The following PDE5A variants were observed in gnomAD, a reference collection of about 807,000 sequenced individuals.
The protein encoded by PDE5A is cGMP-specific 3',5'-cyclic phosphodiesterase.
Under a neutral mutation model 110.2 loss-of-function variants are expected in PDE5A, and 67 were observed. The ratio of observed to expected loss-of-function variants is 0.61; its 90% CI spans 0.50 to 0.75. The LOEUF is 0.75. Among genes scored for constraint, PDE5A ranks in the 30% least tolerant of loss-of-function variants. The probability of loss-of-function intolerance (pLI) is 0.00; values close to 1 mark genes in which losing one functional copy is unlikely to be tolerated. For missense variants in PDE5A, 862 were observed against 1,045.1 expected (o/e 0.82, Z 2.42); for synonymous variants, 328 against 351.2 (o/e 0.93, Z 0.74).
At chr4:119,602,903 T>C (rs958093719) in intron 2 of PDE5A, among the ~76,000 whole-genome samples, 1 of 152,204 alleles carries the variant, frequency 6.6e-6, no homozygotes, top group Admixed American at 6.5e-5. Context: ...AAATCATGGT[T>C]CACATGGAGT....
chr4:119,523,537 G>A (rs1726202910), intron 12 of PDE5A, among the ~76,000 whole-genome samples: 1 of 152,018 alleles, frequency 6.6e-6, no homozygotes, highest in South Asian at 2.1e-4. Context: ...TGATGGCAAT[G>A]TTCAAGTTTG....
chr4:119,606,571 T>A, intron 2 of PDE5A, 138 bp downstream of exon 2: 3 of 627,972 alleles, frequency 4.8e-6, no homozygotes, highest in Non-Finnish European at 8.3e-6. Context: ...CAGTTTTAAA[T>A]AAGTATGCAA....
Position 119,497,608 on chromosome 4 carries a change from A to AT in PDE5A, c.*992dup, listed in dbSNP as rs1287972274. Reference sequence around the variant, plus strand: ...TTCATTTTTGACCCTAGTATTGGCAATAGCCCTTTGCTATTTATATAATTA... The same window carrying AT: ...TTCATTTTTGACCCTAGTATTGGCAATTAGCCCTTTGCTATTTATATAATTA... On this transcript the variant is annotated 3_prime_UTR_variant, in exon 21 of 21. Coordinates refer to ENST00000354960, the MANE Select transcript of PDE5A (RefSeq NM_001083.4). 6.6e-6 allele frequency: 1 copy of AT among 152,152 alleles called. No homozygotes were observed. Among genetic ancestry groups the AT allele is most frequent in the African/African-American group, 2.4e-5 (1 of 41,450 alleles). The allele number at this position is 152,152 out of a possible 1,614,324, so 9.4% of individuals were successfully genotyped here. A position where few individuals can be genotyped will look rare whatever the true frequency, so the allele number is the denominator to read the frequency against.
chr4:119,602,985 G>A (rs1729395502), intron 2 of PDE5A, among the ~76,000 whole-genome samples: 1 of 152,182 alleles, frequency 6.6e-6, no homozygotes, highest in Non-Finnish European at 1.5e-5. Context: ...AAGGAGAGAT[G>A]TTTTGACAAT....
At position 119,525,431 on chromosome 4, in the gene PDE5A, A is replaced by G; in HGVS notation, c.1779+118T>C. The G allele has an allele frequency of 1.1e-6, 1 of 930,902 alleles. No individual in the cohort carries two copies. The allele number at this position is 930,902 out of a possible 1,614,324, so 57.7% of individuals were successfully genotyped here. On this transcript the variant is annotated intron_variant, in intron 12 of 20. Coordinates refer to ENST00000354960, the MANE Select transcript of PDE5A (RefSeq NM_001083.4). The surrounding 1 kb of genome is among the most constrained non-coding windows in gnomAD (Gnocchi z 4.3). ...TCGGGTATATATTAGGTGACAGTAT[A>G]TTAATCACTAAAATGTAAAAATCCC...
intron 1 of PDE5A, among the ~76,000 whole-genome samples, chr4:119,615,629 G>A (rs199605969): frequency 6.1e-4 from 79 of 129,008 alleles, no homozygotes; most frequent in Admixed American, 1.3e-3. Flanking sequence ...AAAAAAAAAA[G>A]AAAAAAAAAA....
chr4:119,548,790 C>G (rs1280608631), intron 9 of PDE5A: 2 of 152,092 alleles, frequency 1.3e-5, no homozygotes, highest in African/African-American at 2.4e-5. Context: ...TTTCTTCCAC[C>G]TATTACTGCC....
rs556949622 is a variant in PDE5A, at chr4:119,627,013, C to G, written c.152+1507G>C. On this transcript the variant is annotated intron_variant, in intron 1 of 20. Transcript: ENST00000354960. The surrounding 1 kb of genome is among the most constrained non-coding windows in gnomAD (Gnocchi z 4.6). ...GCAAGAGAGCAAAGAATAACAACAA[C>G]AACAAAAGTTATACAGTCAATTTTC... 6.5e-4 allele frequency: 605 copies of G among 934,252 alleles called. No individual in the cohort carries two copies. The highest frequency in any genetic ancestry group is 9.4e-4 in the Non-Finnish European group (579 of 615,022). The allele number at this position is 934,252 out of a possible 1,614,324, so 57.9% of individuals were successfully genotyped here. A position where few individuals can be genotyped will look rare whatever the true frequency, so the allele number is the denominator to read the frequency against.
chr4:119,497,071 T>C lies in PDE5A; in HGVS notation c.*1530A>G, dbSNP rs555277378. ...GGCAAAATTTAGGGGAATCGGGACA[T>C]AGATGGAAAACACATTTTGGCGAAA... is the stretch of plus-strand genomic sequence containing the variant. On this transcript the variant is annotated 3_prime_UTR_variant, in exon 21 of 21. Coordinates refer to ENST00000354960, the MANE Select transcript of PDE5A (RefSeq NM_001083.4). 1 of 152,202 alleles carries C rather than the reference T, an allele frequency of 6.6e-6. No homozygotes were observed. Among genetic ancestry groups the C allele is most frequent in the African/African-American group, 2.4e-5 (1 of 41,568 alleles). The allele number at this position is 152,202 out of a possible 1,614,324, so 9.4% of individuals were successfully genotyped here.
At chr4:119,539,152 G>A (rs1157044021) in intron 10 of PDE5A, 133 bp from the exon 11 acceptor site, 5 of 714,920 alleles carry the variant, frequency 7.0e-6, no homozygotes, top group Non-Finnish European at 1.0e-5. Context: ...AATCTTGTTT[G>A]CTGTTTTCTT....
rs1310786152 is a variant in PDE5A, at chr4:119,496,849, A to G, written c.*1752T>C. 1.3e-5 allele frequency: 2 copies of G among 152,616 alleles called. No homozygotes were observed. Among genetic ancestry groups the G allele is most frequent in the East Asian group, 3.9e-4 (2 of 5,194 alleles). The allele number at this position is 152,616 out of a possible 1,614,324, so 9.5% of individuals were successfully genotyped here. A position where few individuals can be genotyped will look rare whatever the true frequency, so the allele number is the denominator to read the frequency against. On this transcript the variant is annotated 3_prime_UTR_variant, in exon 21 of 21. Coordinates refer to ENST00000354960, the MANE Select transcript of PDE5A (RefSeq NM_001083.4). ...AAAAATAAAATATCCTGAAAATACA[A>G]GTATACAATACATATAGCATTAAAC...
At chr4:119,591,895 T>C (rs1277175526) in intron 3 of PDE5A, among the ~76,000 whole-genome samples, 1 of 152,048 alleles carries the variant, frequency 6.6e-6, no homozygotes, top group African/African-American at 2.4e-5. Context: ...CTCACGCCTG[T>C]AATCCCAGCA....
chr4:119,517,576 T>C (rs10003953), intron 14 of PDE5A, among the ~76,000 whole-genome samples: 2,214 of 150,828 alleles, frequency 0.015, 54 homozygotes, highest in African/African-American at 0.051. Flanking sequence ...AATGACTTTT[T>C]CCCAGGATGT....
rs371625096 is a variant in PDE5A, at chr4:119,498,562, C to T, written c.*39G>A. The T allele has an allele frequency of 1.9e-6, 3 of 1,611,788 alleles. No individual in the cohort carries two copies. The highest frequency in any genetic ancestry group is 2.7e-5 in the African/African-American group (2 of 74,858). On this transcript the variant is annotated 3_prime_UTR_variant, in exon 21 of 21. Transcript: ENST00000354960. ...GAAACTAGGCATATTGCAGAACACACCATCTCTGTAAACTTCAACTCTGCA... is the reference window on the plus strand; with the variant it reads ...GAAACTAGGCATATTGCAGAACACATCATCTCTGTAAACTTCAACTCTGCA...
intron 3 of PDE5A, among the ~76,000 whole-genome samples, chr4:119,574,540 C>T (rs2110515239): frequency 6.6e-6 from 1 of 152,174 alleles, no homozygotes; most frequent in African/African-American, 2.4e-5. Context: ...GACCAAGATC[C>T]AGTACATACT....
At chr4:119,547,395 T>C (rs1727170258) in intron 9 of PDE5A, among the ~76,000 whole-genome samples, 1 of 151,946 alleles carries the variant, frequency 6.6e-6, no homozygotes, top group South Asian at 2.1e-4. Flanking sequence ...TATCTCTTAT[T>C]TCTTCTCATT....
chr4:119,507,773 A>T (rs2110458942), intron 15 of PDE5A, 69 bp from the exon 16 acceptor site: 1 of 904,958 alleles, frequency 1.1e-6, no homozygotes, highest in Non-Finnish European at 1.8e-6. Flanking sequence ...ATCTAGAAAT[A>T]TATTCACATA....
intron 1 of PDE5A, among the ~76,000 whole-genome samples, chr4:119,617,172 T>C (rs181179458): frequency 6.6e-6 from 1 of 152,276 alleles, no homozygotes; most frequent in African/African-American, 2.4e-5. Flanking sequence ...CACTCAAGAT[T>C]GTTATAAACC....
rs1280609378 is a variant in PDE5A at position 119,576,725 on chromosome 4, A to C, written c.832-9581T>G. ...AAATTTATGGCACTAAATGCCCACA[A>C]GAGGAAGCAGGAAAGATCTAAAATT... is the stretch of plus-strand genomic sequence containing the variant. On this transcript the variant is annotated intron_variant, in intron 3 of 20. Transcript: ENST00000354960. Among the ~76,000 whole-genome samples, 3 of 152,208 alleles carry C rather than the reference A, an allele frequency of 2.0e-5. No homozygotes were observed. In the East Asian group the frequency reaches 5.8e-4, roughly 29 times the overall value.
Sources: gnomAD v4.1 joint callset for allele counts (sites outside exome capture counted in the v4.1 genomes callset) on GRCh38, gnomAD v4.1.1 for gene constraint, Gnocchi (gnomAD v3.1) non-coding constraint, MANE v1.5 for transcripts, NCBI Gene and HGNC (gene_info 2026-07-23, HGNC 2026-07-21) for gene names.